Variants in RBFOX1 observed in about 807,000 individuals in gnomAD.
RBFOX1 encodes the protein RNA binding fox-1 homolog 1, also known as RNA binding protein fox-1 homolog 1.
In RBFOX1, 8 loss-of-function variants were observed where a neutral mutation model predicts 57.7. That is an observed-to-expected ratio of 0.14 (90% CI 0.08 to 0.25). The LOEUF (loss-of-function observed/expected upper bound fraction) is 0.25. Ranked by LOEUF, RBFOX1 falls within the 10% of genes least tolerant of loss-of-function variation. The pLI is 1.00. For synonymous variants in RBFOX1, 326 were observed against 222.4 expected, an observed-to-expected ratio of 1.47 and a Z score of -4.15; for missense variants, 611 against 548.5, an observed-to-expected ratio of 1.11 and a Z score of -1.14.
chr16:6,543,805 C>G (rs1219114541), intron 2 of RBFOX1, among the ~76,000 whole-genome samples: 1 of 151,926 alleles, frequency 6.6e-6, no homozygotes, highest in Non-Finnish European at 1.5e-5. Flanking sequence ...ACTACAGAGT[C>G]TACCCTGGCA....
At chr16:5,556,666 T>G (rs2045689827) in intron 2 of RBFOX1, among the ~76,000 whole-genome samples, 1 of 152,204 alleles carries the variant, frequency 6.6e-6, no homozygotes, top group African/African-American at 2.4e-5. Context: ...ACTCTCACCC[T>G]CGGGCACCTT....
At chr16:6,980,895 T>G (rs2088601718) in intron 3 of RBFOX1, among the ~76,000 whole-genome samples, 1 of 151,740 alleles carries the variant, frequency 6.6e-6, no homozygotes, top group Non-Finnish European at 1.5e-5. Flanking sequence ...ATACAAAAAT[T>G]AGCTGGGCAT....
At chr16:7,417,987 C>T (rs547461311) in intron 4 of RBFOX1, among the ~76,000 whole-genome samples, 1 of 152,220 alleles carries the variant, frequency 6.6e-6, no homozygotes, top group South Asian at 2.1e-4. Context: ...CACCCTCATC[C>T]CACAGATGGG....
chr16:5,851,667 T>A (rs17190396), intron 3 of RBFOX1, among the ~76,000 whole-genome samples: 19,838 of 152,268 alleles, frequency 0.13, 1,769 homozygotes, highest in Non-Finnish European at 0.18. Context: ...GTCATCTCTG[T>A]GCTATCAAAG....
At chr16:6,220,763 C>T (rs1054187384) in intron 1 of RBFOX1, among the ~76,000 whole-genome samples, 5 of 150,920 alleles carry the variant, frequency 3.3e-5, no homozygotes, top group African/African-American at 9.7e-5. Flanking sequence ...CAAAAGCATT[C>T]ATCACAGTAC....
chr16:5,876,267 G>A (rs183018056), intron 4 of RBFOX1, among the ~76,000 whole-genome samples: 2 of 151,480 alleles, frequency 1.3e-5, no homozygotes, highest in African/African-American at 2.4e-5. Flanking sequence ...AAGTCATTCC[G>A]CCTGCCTTAT....
chr16:7,105,199 A>G lies in RBFOX1; in HGVS notation c.27+53101A>G, dbSNP rs182961510. Reference sequence around the variant, plus strand: ...CATTAACCAGTCACATTGGCTTGGCAGTAGTCTATGGAGATTGGCCAGGTC... The same window carrying G: ...CATTAACCAGTCACATTGGCTTGGCGGTAGTCTATGGAGATTGGCCAGGTC... On this transcript the variant is annotated intron_variant, in intron 4 of 15. Coordinates refer to ENST00000550418, the MANE Select transcript of RBFOX1 (RefSeq NM_018723.4). Among the ~76,000 whole-genome samples the G allele has an allele frequency of 1.7e-3, 264 of 152,032 alleles. 2 individuals carry two copies. The highest frequency in any genetic ancestry group is 5.9e-3 in the African/African-American group (243 of 41,458).
rs140604137 is a variant in RBFOX1, at chr16:6,730,238, T to C, written c.-16+75588T>C. The stretch of plus-strand genomic sequence containing the variant: ...CCTGAGCAAATATATATGGTTCATA[T>C]AGGGAGATGGTAGAACCGTACACCA... On this transcript the variant is annotated intron_variant, in intron 3 of 15. Transcript: ENST00000550418. Among the ~76,000 whole-genome samples the C allele has an allele frequency of 7.9e-5, 12 of 152,170 alleles. No homozygotes were observed. In the East Asian group the frequency reaches 2.1e-3, roughly 27 times the overall value.
At chr16:5,660,841 G>A (rs1348385574) in intron 3 of RBFOX1, among the ~76,000 whole-genome samples, 1 of 152,136 alleles carries the variant, frequency 6.6e-6, no homozygotes, top group East Asian at 1.9e-4. Flanking sequence ...TTCCTGTCAT[G>A]GAGCATAAAG....
chr16:6,808,826 A>G (rs1225179496), intron 3 of RBFOX1, among the ~76,000 whole-genome samples: 1 of 152,166 alleles, frequency 6.6e-6, no homozygotes, highest in Non-Finnish European at 1.5e-5. Flanking sequence ...TCTAATTCAT[A>G]GAAAATCACT....
chr16:7,039,258 T>C (rs2045439513), intron 3 of RBFOX1, among the ~76,000 whole-genome samples: 1 of 152,300 alleles, frequency 6.6e-6, no homozygotes, highest in Middle Eastern at 3.4e-3. Context: ...CATTATTATT[T>C]TTTCTACTTA....
chr16:5,415,624 A>T (rs78869389), intron 1 of RBFOX1, among the ~76,000 whole-genome samples: 4,008 of 152,314 alleles, frequency 0.026, 87 homozygotes, highest in Non-Finnish European at 0.042. Flanking sequence ...AGAATTTAAT[A>T]CCACTGTTTG....
At chr16:5,604,320 C>G (rs191888086), downstream of RBFOX1, among the ~76,000 whole-genome samples, 2 of 152,296 alleles carry the variant, frequency 1.3e-5, no homozygotes, top group Admixed American at 1.3e-4. Flanking sequence ...TGCTTAGGTT[C>G]TCACCAAGCT....
intron 3 of RBFOX1, among the ~76,000 whole-genome samples, chr16:6,792,912 C>G (rs1303559898): frequency 6.6e-6 from 1 of 151,864 alleles, no homozygotes; most frequent in African/African-American, 2.4e-5. Flanking sequence ...CACCTGTAAT[C>G]CAAGCTACTA....
chr16:5,255,769 G>A (rs553913818), intron 1 of RBFOX1, among the ~76,000 whole-genome samples: 2 of 151,966 alleles, frequency 1.3e-5, no homozygotes, highest in South Asian at 4.2e-4. Context: ...ACAAAGACTC[G>A]TTAACCACCT....
chr16:5,970,991 G>C (rs2152298942), intron 4 of RBFOX1, among the ~76,000 whole-genome samples: 1 of 152,266 alleles, frequency 6.6e-6, no homozygotes, highest in Admixed American at 6.5e-5. Context: ...ATTCCACAAG[G>C]AGACATCTCT....
At position 7,595,646 on chromosome 16, in the gene RBFOX1, A is replaced by C; in HGVS notation, c.561+5A>C. On this transcript the variant is annotated splice_donor_5th_base_variant and intron_variant, in intron 8 of 15. Coordinates refer to ENST00000550418, the MANE Select transcript of RBFOX1 (RefSeq NM_018723.4). Reference sequence around the variant, plus strand: ...GTAGAGGGCCGTAAAATCGAGGTGCATGTTCAAAATATTTTCCTTTTCATC... The same window carrying C: ...GTAGAGGGCCGTAAAATCGAGGTGCCTGTTCAAAATATTTTCCTTTTCATC... 1 of 1,570,330 alleles carries C rather than the reference A, an allele frequency of 6.4e-7. No homozygotes were observed. The highest frequency in any genetic ancestry group is 8.7e-7 in the Non-Finnish European group (1 of 1,155,496).
chr16:6,909,810 G>C (rs764210671), intron 3 of RBFOX1, among the ~76,000 whole-genome samples: 14 of 152,164 alleles, frequency 9.2e-5, no homozygotes, highest in Non-Finnish European at 2.1e-4. Context: ...TCGGTCTTCT[G>C]TTGATCTAAA....
chr16:5,984,974 ATATTT>A (rs1458079972), intron 4 of RBFOX1, among the ~76,000 whole-genome samples: 291 of 56,162 alleles, frequency 5.2e-3, no homozygotes, highest in South Asian at 9.8e-3. Flanking sequence ...ATATATATAT[ATATTT>A]TTTTTTTTTT....
Sources: allele counts gnomAD v4.1 joint callset (sites outside exome capture counted in the v4.1 genomes callset), GRCh38; gene constraint gnomAD v4.1.1; transcripts MANE v1.5; gene names NCBI Gene and HGNC (gene_info 2026-07-23, HGNC 2026-07-21).